QSER1: variants seen among roughly 807,000 people sequenced by gnomAD.
The protein encoded by QSER1 is glutamine and serine-rich protein 1.
QSER1 carries 49 observed loss-of-function variants against 158.5 expected under a neutral mutation model. The observed-to-expected ratio is 0.31, with a 90% CI of 0.25 to 0.39. The LOEUF (loss-of-function observed/expected upper bound fraction) is 0.39. QSER1 is among the 10% of genes least tolerant of loss of function. QSER1 has a pLI of 1.00. For synonymous variants in QSER1, 650 were observed against 715.5 expected (o/e 0.91, Z 1.46); for missense variants, 1,754 against 2,010.3 (o/e 0.87, Z 2.44).
Position 32,957,972 on chromosome 11 carries a change from C to T in QSER1, c.4855C>T (p.Pro1619Ser). The T allele has an allele frequency of 1.2e-6, 2 of 1,613,996 alleles. No individual in the cohort carries two copies. Among genetic ancestry groups the T allele is most frequent in the Non-Finnish European group, 1.7e-6 (2 of 1,179,984 alleles). The change falls in exon 8 of 13, where the codon CCA becomes TCA. Residue 1619 changes from proline to serine, a missense_variant. Transcript: ENST00000650167. The part of the protein sequence containing the change: ...APSVKPKVKQ[P>S]KVKAEPPPKK... ...TTCCGTGAAACCCAAAGTTAAACAG[C>T]CAAAAGTAAAGGCTGAGCCACCACC... is the stretch of plus-strand genomic sequence containing the variant.
intron 1 of QSER1, among the ~76,000 whole-genome samples, chr11:32,924,094 A>G (rs1851935122): frequency 6.6e-6 from 1 of 152,214 alleles, no homozygotes; most frequent in Admixed American, 6.5e-5. Flanking sequence ...AGATCTCAAA[A>G]TGAGTCACAG....
intron 4 of QSER1, among the ~76,000 whole-genome samples, chr11:32,939,948 ATTTTTTTT>A (rs35359579): frequency 2.4e-5 from 3 of 124,380 alleles, no homozygotes; most frequent in Non-Finnish European, 3.4e-5. Context: ...GAAGACTGAG[ATTTTTTTT>A]TTTTTTTTTT....
At position 32,934,245 on chromosome 11, in the gene QSER1, C is replaced by A; in HGVS notation, c.2987C>A (p.Thr996Asn). The A allele has an allele frequency of 6.2e-7, 1 of 1,613,926 alleles. No individual in the cohort carries two copies. The highest frequency in any genetic ancestry group is 8.5e-7 in the Non-Finnish European group (1 of 1,179,962). ...ATAAACGVTP[T>N]DFSKSTSNET... ...GCAGCAGCTTGTGGAGTTACACCTA[C>A]TGATTTTTCCAAGTCAACTTCAAAT... The change falls in exon 4 of 13, where the codon ACT becomes AAT. Residue 996 changes from threonine (T) to asparagine (N), a missense_variant. By Grantham distance (65) the Thr-to-Asn change is moderately conservative. This residue lies in a region of QSER1 where 1,707 missense variants were observed against 1,919.6 expected (regional missense o/e 0.89). Transcript: ENST00000650167.
chr11:32,894,465 T>G (rs1401851154), intron 1 of QSER1, among the ~76,000 whole-genome samples: 1 of 152,228 alleles, frequency 6.6e-6, no homozygotes, highest in Non-Finnish European at 1.5e-5. Context: ...CGTGGCTTTA[T>G]GATCTCATCA....
At chr11:32,907,075 G>A (rs1010946239) in intron 1 of QSER1, among the ~76,000 whole-genome samples, 7 of 152,090 alleles carry the variant, frequency 4.6e-5, no homozygotes, top group South Asian at 2.1e-4. Context: ...GTATAGTACC[G>A]TTACAACAGG....
At position 32,957,949 on chromosome 11, in the gene QSER1, C is replaced by A. The variant is rs1308324059; in HGVS notation, c.4832C>A (p.Ser1611Tyr). The A allele has an allele frequency of 6.2e-7, 1 of 1,614,040 alleles. No individual in the cohort carries two copies. The highest frequency in any genetic ancestry group is 8.5e-7 in the Non-Finnish European group (1 of 1,180,038). Residue 1611 changes from serine to tyrosine, a missense_variant, in exon 8 of 13, where the codon TCC becomes TAC. By Grantham distance (144) the Ser-to-Tyr change is moderately radical (BLOSUM62 -2). Transcript: ENST00000650167. ...ASKTTTTKAP[S>Y]VKPKVKQPKV... Reference sequence around the variant, plus strand: ...AAAACTACAACTACAAAAGCCCCTTCCGTGAAACCCAAAGTTAAACAGCCA... The same window carrying A: ...AAAACTACAACTACAAAAGCCCCTTACGTGAAACCCAAAGTTAAACAGCCA...
intron 8 of QSER1, among the ~76,000 whole-genome samples, chr11:32,964,733 T>TACACACACACACACACACACACACAC (rs1246383757): frequency 1.7e-5 from 2 of 115,288 alleles, no homozygotes; most frequent in Non-Finnish European, 3.7e-5. Flanking sequence ...TATATATATA[T>TACACACACACACACACACACACACAC]ATATATACAC....
At chr11:32,967,429 A>G (rs1846145653) in intron 9 of QSER1, among the ~76,000 whole-genome samples, 1 of 152,164 alleles carries the variant, frequency 6.6e-6, no homozygotes, top group Non-Finnish European at 1.5e-5. Flanking sequence ...ACCACTATAC[A>G]GCTCATCCAT....
chr11:32,912,063 G>A (rs542984490), intron 1 of QSER1, among the ~76,000 whole-genome samples: 1 of 152,234 alleles, frequency 6.6e-6, no homozygotes, highest in African/African-American at 2.4e-5. Context: ...CTCACTCTTG[G>A]ACATTTTCAT....
At chr11:32,969,686 CTT>C (rs1321422488) in intron 10 of QSER1, among the ~76,000 whole-genome samples, 8 of 134,708 alleles carry the variant, frequency 5.9e-5, no homozygotes, top group Admixed American at 7.6e-5. Flanking sequence ...CTTTTCTTTT[CTT>C]TTTTTTTTTT....
At chr11:32,960,825 T>C (rs1257687757) in intron 8 of QSER1, among the ~76,000 whole-genome samples, 1 of 152,214 alleles carries the variant, frequency 6.6e-6, no homozygotes, top group African/African-American at 2.4e-5. Context: ...TTGCTTTACA[T>C]TCTCAGGCTA....
At chr11:32,913,177 T>TC (rs1851789504) in intron 1 of QSER1, among the ~76,000 whole-genome samples, 2 of 134,734 alleles carry the variant, frequency 1.5e-5, no homozygotes, top group Non-Finnish European at 3.2e-5. Context: ...TTTCTCCTCT[T>TC]CCTTTTTTTT....
At chr11:32,909,813 G>T (rs1328549520) in intron 1 of QSER1, among the ~76,000 whole-genome samples, 1 of 152,130 alleles carries the variant, frequency 6.6e-6, no homozygotes, top group Non-Finnish European at 1.5e-5. Flanking sequence ...TGGGAGTCGT[G>T]TGTATGGGGG....
rs1255146974 is a variant in QSER1, at chr11:32,892,927, G to T, written c.-199G>T. Reference sequence around the variant, plus strand: ...ACGCCCAGCTGGGGCCTCGCCGCCCGCCGCGGCCCGGGTCTTTGCGGCCCA... The same window carrying T: ...ACGCCCAGCTGGGGCCTCGCCGCCCTCCGCGGCCCGGGTCTTTGCGGCCCA... On this transcript the variant is annotated 5_prime_UTR_variant, in exon 1 of 13. Transcript: ENST00000650167. Among the ~76,000 whole-genome samples, 1 of 143,324 alleles carries T rather than the reference G, an allele frequency of 7.0e-6. No individual in the cohort carries two copies. Among genetic ancestry groups the T allele is most frequent in the African/African-American group, 2.6e-5 (1 of 38,816 alleles). The allele number at this position is 143,324 out of a possible 152,430, so 94.0% of individuals were successfully genotyped here.
At chr11:32,955,142 C>G (rs565323220) in intron 5 of QSER1, among the ~76,000 whole-genome samples, 154 bp from the exon 6 acceptor site, 1 of 152,276 alleles carries the variant, frequency 6.6e-6, no homozygotes, top group African/African-American at 2.4e-5. Context: ...AATAACCTAA[C>G]CAGCTTATAA....
At chr11:32,915,397 C>T (rs1851818867) in intron 1 of QSER1, among the ~76,000 whole-genome samples, 1 of 152,110 alleles carries the variant, frequency 6.6e-6, no homozygotes, top group Non-Finnish European at 1.5e-5. Context: ...AGACTTGGTT[C>T]ATTCTCCTCT....
In QSER1 at chr11:32,933,159, A is replaced by G. The variant is rs776842490; in HGVS notation, c.1901A>G (p.Gln634Arg). The G allele has an allele frequency of 8.7e-6, 14 of 1,613,610 alleles. No homozygotes were observed. The highest frequency in any genetic ancestry group is 1.2e-5 in the Non-Finnish European group (14 of 1,179,890). Residue 634 changes from glutamine to arginine, a missense_variant, in exon 4 of 13, where the codon CAA (glutamine) becomes CGA (arginine). By Grantham distance (43) the Gln-to-Arg change is conservative. This residue lies in a region of QSER1 where 1,707 missense variants were observed against 1,919.6 expected (regional missense o/e 0.89). Transcript: ENST00000650167. ...SMHSSQNVQTQESSSPQSQKF... is the reference protein window; with the variant it reads ...SMHSSQNVQTRESSSPQSQKF... The stretch of plus-strand genomic sequence containing the variant: ...CATTCTTCCCAAAATGTTCAGACTC[A>G]AGAGTCATCATCTCCCCAGTCCCAG...
At chr11:32,969,439 A>G (rs1235416161) in intron 10 of QSER1, among the ~76,000 whole-genome samples, 1 of 152,168 alleles carries the variant, frequency 6.6e-6, no homozygotes, top group African/African-American at 2.4e-5. Flanking sequence ...AATTAAAATT[A>G]GCTTTTCCTT....
chr11:32,948,503 C>T (rs1852372418), intron 4 of QSER1, among the ~76,000 whole-genome samples: 2 of 152,126 alleles, frequency 1.3e-5, no homozygotes, highest in Admixed American at 1.3e-4. Context: ...TTGGCATGTG[C>T]CTGTCGTCCT....
Sources: allele counts gnomAD v4.1 joint callset (sites outside exome capture counted in the v4.1 genomes callset), GRCh38; gene constraint gnomAD v4.1.1; regional missense constraint gnomAD v4.1.1; transcripts MANE v1.5; gene names NCBI Gene and HGNC (gene_info 2026-07-23, HGNC 2026-07-21).